SAMD4A: variants seen among roughly 807,000 people sequenced by gnomAD.
The protein encoded by SAMD4A is sterile alpha motif domain containing 4A.
SAMD4A carries 33 observed loss-of-function variants against 81.3 expected under a neutral mutation model. That is an observed-to-expected ratio of 0.41 (90% CI 0.31 to 0.54). The LOEUF (loss-of-function observed/expected upper bound fraction) is 0.54. Among genes scored for constraint, SAMD4A ranks in the 20% least tolerant of loss-of-function variants. SAMD4A has a pLI of 0.37. For synonymous variants in SAMD4A, 389 were observed against 382.1 expected, an observed-to-expected ratio of 1.02 and a Z score of -0.21; for missense variants, 854 against 951.1, an observed-to-expected ratio of 0.90 and a Z score of 1.34.
intron 2 of SAMD4A, among the ~76,000 whole-genome samples, chr14:54,628,829 G>C (rs1197552219): frequency 5.3e-5 from 8 of 152,166 alleles, no homozygotes; most frequent in African/African-American, 1.9e-4. Context: ...CCTTAATCCA[G>C]GTTCTTCATT....
chr14:54,724,023 AGGAAG>A (rs933227449), intron 3 of SAMD4A, among the ~76,000 whole-genome samples: 51 of 98,900 alleles, frequency 5.2e-4, no homozygotes, highest in Middle Eastern at 0.01. Context: ...GAAGGAAGGA[AGGAAG>A]GAAGGAAGGA....
In SAMD4A at chr14:54,567,757, G is replaced by A; in HGVS notation, c.-160G>A. 1 of 639,942 alleles carries A rather than the reference G, an allele frequency of 1.6e-6. No individual in the cohort carries two copies. The highest frequency in any genetic ancestry group is 2.6e-6 in the Non-Finnish European group (1 of 389,432). 39.6% of individuals were successfully genotyped at this position (639,942 alleles called of 1,614,324 possible). On this transcript the variant is annotated 5_prime_UTR_variant, in exon 2 of 13. Transcript: ENST00000554335. Reference sequence around the variant, plus strand: ...ACGTAACTGAAACCAGACAAGAGAGGCAGGAGCCCAGGCAGTACCTGCAGC... The same window carrying A: ...ACGTAACTGAAACCAGACAAGAGAGACAGGAGCCCAGGCAGTACCTGCAGC...
intron 3 of SAMD4A, among the ~76,000 whole-genome samples, chr14:54,721,321 T>G (rs902534318): frequency 3.3e-5 from 5 of 152,218 alleles, no homozygotes; most frequent in African/African-American, 1.2e-4. Context: ...GATCTCTTTG[T>G]GTAGTCCCTA....
chr14:54,614,096 C>T (rs770776533), intron 2 of SAMD4A, among the ~76,000 whole-genome samples: 10 of 152,272 alleles, frequency 6.6e-5, no homozygotes, highest in Non-Finnish European at 1.3e-4. Flanking sequence ...AAGAGCATAT[C>T]CTAACAGATT....
chr14:54,639,271 T>C (rs1213812887), intron 2 of SAMD4A, among the ~76,000 whole-genome samples: 1 of 152,230 alleles, frequency 6.6e-6, no homozygotes, highest in Non-Finnish European at 1.5e-5. Flanking sequence ...GCAGCTGTTA[T>C]TGTTGCTGCT....
At chr14:54,678,623 A>T (rs565565466) in intron 2 of SAMD4A, among the ~76,000 whole-genome samples, 186 of 142,854 alleles carry the variant, frequency 1.3e-3, no homozygotes, top group Non-Finnish European at 2.3e-3. Context: ...ATCACGGCTC[A>T]CTGCAAGCTC....
chr14:54,602,336 AC>A (rs2034076032), intron 2 of SAMD4A, among the ~76,000 whole-genome samples: 1 of 96,204 alleles, frequency 1.0e-5, no homozygotes, highest in African/African-American at 5.1e-5. Context: ...ACACACACAC[AC>A]ACACACACAC....
intron 2 of SAMD4A, among the ~76,000 whole-genome samples, chr14:54,668,607 G>C (rs914105237): frequency 6.6e-6 from 1 of 152,096 alleles, no homozygotes; most frequent in Non-Finnish European, 1.5e-5. Flanking sequence ...GTATTTATTT[G>C]TATTAGCTAG....
At chr14:54,684,427 C>A (rs1419110980) in intron 2 of SAMD4A, among the ~76,000 whole-genome samples, 1 of 152,228 alleles carries the variant, frequency 6.6e-6, no homozygotes, top group African/African-American at 2.4e-5. Context: ...TCCAGATGGA[C>A]CGAGGCGGGT....
chr14:54,692,788 C>T (rs1440977611), intron 2 of SAMD4A, among the ~76,000 whole-genome samples: 1 of 151,126 alleles, frequency 6.6e-6, no homozygotes, highest in Non-Finnish European at 1.5e-5. Flanking sequence ...TTGTGTTTGT[C>T]GAGTGAGGTA....
intron 4 of SAMD4A, among the ~76,000 whole-genome samples, chr14:54,737,688 T>A (rs973081407): frequency 6.6e-6 from 1 of 150,618 alleles, no homozygotes; most frequent in African/African-American, 2.5e-5. Context: ...TGTCAGTAAT[T>A]CAGAAAAACA....
At chr14:54,616,403 A>G (rs2034493485) in intron 2 of SAMD4A, among the ~76,000 whole-genome samples, 1 of 152,126 alleles carries the variant, frequency 6.6e-6, no homozygotes, top group African/African-American at 2.4e-5. Context: ...CACTACTCTT[A>G]TTTGCCTTTT....
chr14:54,571,509 T>C (rs747710781), intron 2 of SAMD4A, among the ~76,000 whole-genome samples: 6 of 152,230 alleles, frequency 3.9e-5, no homozygotes, highest in Non-Finnish European at 7.3e-5. Flanking sequence ...TGTGGCATTG[T>C]TTATTTATGG....
chr14:54,599,136 A>G (rs1445244200), intron 2 of SAMD4A, among the ~76,000 whole-genome samples: 1 of 152,190 alleles, frequency 6.6e-6, no homozygotes, highest in East Asian at 1.9e-4. Context: ...TTATTTCTTT[A>G]GCAAAAATTT....
rs57819180 is a variant in SAMD4A, at chr14:54,576,001, C to CTTTTTTTTTTTTTTTTTT, written c.196+7909_196+7926dup. ...CCAGGAAAGATTTCTTTCTTTCTTT[C>CTTTTTTTTTTTTTTTTTT]TTTTTTTTTTTTTTTTTTTTTTTTT... On this transcript the variant is annotated intron_variant, in intron 2 of 12. Coordinates refer to ENST00000554335, the MANE Select transcript of SAMD4A (RefSeq NM_015589.6). 6.2e-5 allele frequency among the ~76,000 whole-genome samples: 5 copies of CTTTTTTTTTTTTTTTTTT among 80,024 alleles called. 2 individuals carry two copies. The highest frequency in any genetic ancestry group is 1.1e-4 in the Non-Finnish European group (5 of 44,936). 52.5% of individuals were successfully genotyped at this position (80,024 alleles called of 152,430 possible).
intron 2 of SAMD4A, among the ~76,000 whole-genome samples, chr14:54,690,599 A>G (rs2036408069): frequency 6.6e-6 from 1 of 152,164 alleles, no homozygotes; most frequent in South Asian, 2.1e-4. Flanking sequence ...TATTTGTGTT[A>G]CAGACACTTC....
chr14:54,769,811 T>A (rs1191578789), intron 8 of SAMD4A, among the ~76,000 whole-genome samples: 2 of 152,218 alleles, frequency 1.3e-5, no homozygotes, highest in East Asian at 3.9e-4. Context: ...GAGTCTGGAG[T>A]GGAGTCAGGA....
chr14:54,685,544 A>G, intron 2 of SAMD4A: 1 of 373,734 alleles, frequency 2.7e-6, no homozygotes. Flanking sequence ...TGACTTGTGA[A>G]TAATGCTACT....
intron 2 of SAMD4A, among the ~76,000 whole-genome samples, chr14:54,681,150 A>G (rs759132950): frequency 6.6e-6 from 1 of 152,152 alleles, no homozygotes; most frequent in Non-Finnish European, 1.5e-5. Context: ...GGGAACCAGG[A>G]GTAAGGCTGC....
Sources: allele counts gnomAD v4.1 joint callset (sites outside exome capture counted in the v4.1 genomes callset), GRCh38; gene constraint gnomAD v4.1.1; transcripts MANE v1.5; gene names NCBI Gene and HGNC (gene_info 2026-07-23, HGNC 2026-07-21).